ABCB1: variants seen among roughly 807,000 people sequenced by gnomAD.
ABCB1 encodes ATP-dependent translocase ABCB1.
In ABCB1, 69 loss-of-function variants were observed where a neutral mutation model predicts 142.0. That is an observed-to-expected ratio of 0.49 (90% CI 0.40 to 0.59). The LOEUF (loss-of-function observed/expected upper bound fraction) is 0.59. Among genes scored for constraint, ABCB1 ranks in the 20% least tolerant of loss-of-function variants. ABCB1 has a pLI of 0.00. For missense variants in ABCB1, 1,326 were observed against 1,554.7 expected, an observed-to-expected ratio of 0.85 and a Z score of 2.47; for synonymous variants, 532 against 539.2, an observed-to-expected ratio of 0.99 and a Z score of 0.18.
intron 25 of ABCB1, among the ~76,000 whole-genome samples, chr7:87,513,837 T>C (rs4148751): frequency 0.1 from 15,708 of 152,184 alleles, 1,346 homozygotes; most frequent in East Asian, 0.38. Flanking sequence ...TATAGCACAA[T>C]CTTTAACACA....
rs150376546 is a variant in ABCB1 at position 87,681,886 on chromosome 7, C to A, written c.-331+31275G>T. On this transcript the variant is annotated intron_variant, in intron 1 of 28. Coordinates refer to the ABCB1 transcript ENST00000265724. ...GTGAATTTTGCTGCATCCATGGACTCTTCCTTTCATGAAAGGTTTCTCTCT... is the reference window on the plus strand; with the variant it reads ...GTGAATTTTGCTGCATCCATGGACTATTCCTTTCATGAAAGGTTTCTCTCT... Among the ~76,000 whole-genome samples the A allele has an allele frequency of 5.7e-3, 867 of 152,298 alleles. 9 individuals carry two copies. The highest frequency in any genetic ancestry group is 0.031 in the Middle Eastern group (9 of 294).
At chr7:87,656,792 A>T (rs959057164) in intron 1 of ABCB1, among the ~76,000 whole-genome samples, 6 of 152,198 alleles carry the variant, frequency 3.9e-5, no homozygotes, top group African/African-American at 1.4e-4. Flanking sequence ...AAACTTATTT[A>T]TCCATCACTA....
intron 26 of ABCB1, among the ~76,000 whole-genome samples, chr7:87,508,145 G>GA (rs1365943527): frequency 1.3e-5 from 2 of 151,922 alleles, no homozygotes; most frequent in African/African-American, 4.8e-5. Context: ...ATAAAGGTTG[G>GA]AAAAAATCTA....
chr7:87,532,873 A>G (rs985952087), intron 20 of ABCB1, among the ~76,000 whole-genome samples: 2 of 152,156 alleles, frequency 1.3e-5, no homozygotes, highest in Admixed American at 1.3e-4. Context: ...CCTTTCTAGT[A>G]ACAATAGAAT....
chr7:87,525,299 C>T (rs1371273354), intron 21 of ABCB1, among the ~76,000 whole-genome samples: 2 of 152,058 alleles, frequency 1.3e-5, no homozygotes, highest in Non-Finnish European at 2.9e-5. Context: ...GAAAAAATAG[C>T]CTCCTGACAT....
chr7:87,639,697 A>G (rs543967107), intron 1 of ABCB1, among the ~76,000 whole-genome samples: 5 of 152,106 alleles, frequency 3.3e-5, no homozygotes, highest in Non-Finnish European at 7.4e-5. Context: ...CTACTAATAC[A>G]GTTATAATAG....
At chr7:87,547,239 A>G (rs1816822523) in intron 14 of ABCB1, among the ~76,000 whole-genome samples, 1 of 152,238 alleles carries the variant, frequency 6.6e-6, no homozygotes, top group South Asian at 2.1e-4. Context: ...GAAAAAATAC[A>G]CAAGGAAAAA....
At chr7:87,666,572 G>T (rs1178950182) in intron 1 of ABCB1, among the ~76,000 whole-genome samples, 1 of 152,042 alleles carries the variant, frequency 6.6e-6, no homozygotes, top group Non-Finnish European at 1.5e-5. Context: ...CCATTCCTAT[G>T]TCCAGGATGG....
intron 4 of ABCB1, among the ~76,000 whole-genome samples, chr7:87,581,700 T>C (rs922313920): frequency 6.6e-6 from 1 of 152,128 alleles, no homozygotes; most frequent in Non-Finnish European, 1.5e-5. Context: ...CAGAGAAGGA[T>C]CTGCTTACTG....
intron 1 of ABCB1, among the ~76,000 whole-genome samples, chr7:87,613,032 T>C (rs1416862768): frequency 6.7e-6 from 1 of 149,818 alleles, no homozygotes; most frequent in Non-Finnish European, 1.5e-5. Flanking sequence ...TTTTTTAATC[T>C]ATTGTAAGGG....
intron 1 of ABCB1, chr7:87,700,547 G>C: frequency 6.2e-7 from 1 of 1,610,424 alleles, no homozygotes; most frequent in Non-Finnish European, 8.5e-7. Flanking sequence ...AGTTCTTCTA[G>C]AGCTAAGGTA....
At chr7:87,634,223 A>G (rs1193602305) in intron 1 of ABCB1, among the ~76,000 whole-genome samples, 2 of 152,242 alleles carry the variant, frequency 1.3e-5, no homozygotes, top group Admixed American at 6.5e-5. Context: ...ACTTCCTGCT[A>G]GGCCCCACCT....
intron 23 of ABCB1, 69 bp from the exon 24 acceptor site, chr7:87,516,734 T>A: frequency 1.2e-5 from 9 of 726,240 alleles, no homozygotes; most frequent in South Asian, 2.6e-5. Flanking sequence ...GACACTCCTT[T>A]TTTTTTTTTT....
At chr7:87,589,504 G>C (rs1471777004) in intron 3 of ABCB1, among the ~76,000 whole-genome samples, 1 of 152,118 alleles carries the variant, frequency 6.6e-6, no homozygotes, top group Non-Finnish European at 1.5e-5. Flanking sequence ...AAGGAAATGC[G>C]CTGGGCATGA....
intron 9 of ABCB1, among the ~76,000 whole-genome samples, chr7:87,551,121 A>C (rs1042094438): frequency 1.3e-5 from 2 of 152,068 alleles, no homozygotes; most frequent in Non-Finnish European, 2.9e-5. Context: ...TCCTGGGCTC[A>C]AGCAATCCTC....
chr7:87,565,398 A>G, intron 7 of ABCB1: 1 of 427,242 alleles, frequency 2.3e-6, no homozygotes. Context: ...GAAATGGAAA[A>G]TAAGTTTTAA....
intron 1 of ABCB1, among the ~76,000 whole-genome samples, chr7:87,711,474 T>G (rs1487159683): frequency 6.6e-6 from 1 of 152,078 alleles, no homozygotes; most frequent in Non-Finnish European, 1.5e-5. Context: ...AAATAGGACT[T>G]TGTTGATTTT....
intron 1 of ABCB1, among the ~76,000 whole-genome samples, chr7:87,702,264 GTTTTATTTTA>G (rs575267106): frequency 1.0e-3 from 149 of 143,196 alleles, no homozygotes; most frequent in Non-Finnish European, 1.8e-3. Context: ...TGGGTTTATT[GTTTTATTTTA>G]TTTTATTTTA....
chr7:87,516,547 G>GAT lies in ABCB1; in HGVS notation c.3045_3046insAT (p.Pro1016IlefsTer3). 6.2e-7 allele frequency: 1 copy of GAT among 1,614,104 alleles called. No homozygotes were observed. The highest frequency in any genetic ancestry group is 1.1e-5 in the South Asian group (1 of 91,078). ...TCCGTGCTGTAGCTGTCAATCAAAGGGGTTTTTTCAATGATCATGATGATG... is the reference window on the plus strand; with the variant it reads ...TCCGTGCTGTAGCTGTCAATCAAAGGATGGTTTTTTCAATGATCATGATGATG... On this transcript the variant is annotated frameshift_variant, in exon 24 of 28. Coordinates refer to ENST00000622132, the MANE Select transcript of ABCB1 (RefSeq NM_001348946.2). LOFTEE classifies it high-confidence loss of function.
Sources: allele counts gnomAD v4.1 joint callset (sites outside exome capture counted in the v4.1 genomes callset), GRCh38; gene constraint gnomAD v4.1.1; transcripts MANE v1.5; gene names NCBI Gene and HGNC (gene_info 2026-07-23, HGNC 2026-07-21).